Variants in HSDL1 observed in about 807,000 individuals in gnomAD.
HSDL1 encodes inactive hydroxysteroid dehydrogenase-like protein 1.
In HSDL1, 29 loss-of-function variants were observed where a neutral mutation model predicts 31.5. The observed-to-expected ratio is 0.92, with a 90% CI of 0.69 to 1.26. The LOEUF (loss-of-function observed/expected upper bound fraction) is 1.26, where lower values mean the gene tolerates loss of function less well. Among genes scored for constraint, HSDL1 ranks in the 50% most tolerant of loss-of-function variants. The probability of loss-of-function intolerance (pLI) is 0.00; values close to 1 mark genes in which losing one functional copy is unlikely to be tolerated. For missense variants in HSDL1, 503 were observed against 416.6 expected (o/e 1.21, Z -1.81); for synonymous variants, 222 against 155.2 (o/e 1.43, Z -3.20).
In HSDL1 at chr16:84,122,296, A is replaced by C. The variant is rs184063793; in HGVS notation, c.*2334T>G. 6.5e-6 allele frequency: 1 copy of C among 152,774 alleles called. No homozygotes were observed. Among genetic ancestry groups the C allele is most frequent in the African/African-American group, 2.4e-5 (1 of 41,576 alleles). 9.5% of individuals were successfully genotyped at this position (152,774 alleles called of 1,614,324 possible). ...AACAAAACTCTTCCAAAGGAAACAAACAACTACTTTTATTGTTAAACTTTC... is the reference window on the plus strand; with the variant it reads ...AACAAAACTCTTCCAAAGGAAACAACCAACTACTTTTATTGTTAAACTTTC... On this transcript the variant is annotated 3_prime_UTR_variant, in exon 6 of 6. Transcript: ENST00000219439.
intron 2 of HSDL1, among the ~76,000 whole-genome samples, chr16:84,134,484 ATGG>A (rs1597376846): frequency 6.6e-6 from 1 of 152,026 alleles, no homozygotes; most frequent in Non-Finnish European, 1.5e-5. Flanking sequence ...TTAGCCGGGT[ATGG>A]TGGTGACTGC....
chr16:84,128,127 A>G (rs1471292178), intron 5 of HSDL1, among the ~76,000 whole-genome samples: 2 of 151,706 alleles, frequency 1.3e-5, no homozygotes, highest in Non-Finnish European at 2.9e-5. Flanking sequence ...CATCTCTACT[A>G]AAAACACAAA....
chr16:84,134,425 C>A (rs368768511), intron 2 of HSDL1, among the ~76,000 whole-genome samples: 5 of 152,070 alleles, frequency 3.3e-5, no homozygotes, highest in Non-Finnish European at 7.4e-5. Context: ...GAGTTCAAGA[C>A]CAGCCTGGCC....
chr16:84,132,306 G>A (rs376255325), intron 2 of HSDL1, among the ~76,000 whole-genome samples: 21 of 152,154 alleles, frequency 1.4e-4, no homozygotes, highest in Non-Finnish European at 7.3e-5. Flanking sequence ...ACTAAGACAT[G>A]GCCTTGGCCT....
chr16:84,132,197 T>C (rs910764401), intron 2 of HSDL1, among the ~76,000 whole-genome samples: 1 of 152,188 alleles, frequency 6.6e-6, no homozygotes, highest in Non-Finnish European at 1.5e-5. Context: ...TTCTAATTCA[T>C]ACAGCAGAGG....
chr16:84,127,670 TAA>T (rs150968702), intron 5 of HSDL1, among the ~76,000 whole-genome samples: 8 of 138,138 alleles, frequency 5.8e-5, no homozygotes, highest in Non-Finnish European at 4.7e-5. Flanking sequence ...CTCCGAATAT[TAA>T]AAAAAAAAAA....
chr16:84,125,103 C>G (rs1317853592), intron 5 of HSDL1: 2 of 188,044 alleles, frequency 1.1e-5, no homozygotes, highest in African/African-American at 4.9e-5. Flanking sequence ...CAACAAATAC[C>G]CACCAATCAC....
intron 1 of HSDL1, among the ~76,000 whole-genome samples, 151 bp from the exon 2 acceptor site, chr16:84,135,756 T>C (rs1426473751): frequency 6.6e-6 from 1 of 152,228 alleles, no homozygotes; most frequent in Non-Finnish European, 1.5e-5. Flanking sequence ...CAGCAAACCA[T>C]GTACTAGGCA....
chr16:84,130,459 A>C, intron 3 of HSDL1, 28 bp from the exon 4 acceptor site: 3 of 1,574,952 alleles, frequency 1.9e-6, no homozygotes, highest in Non-Finnish European at 2.6e-6. Flanking sequence ...AAAAGTGAGC[A>C]TGTGTATTTC....
In HSDL1 at chr16:84,131,136, C is replaced by G; in HGVS notation, c.186G>C (p.Leu62Phe). 6.2e-7 allele frequency: 1 copy of G among 1,614,032 alleles called. No homozygotes were observed. Among genetic ancestry groups the G allele is most frequent in the Non-Finnish European group, 8.5e-7 (1 of 1,179,916 alleles). ...FIPRLGSRAD[L>F]IKQYGRWAVV... ...CGGCCCATCTTCCATACTGCTTGAT[C>G]AAGTCTGCTCTGCTCCCCAGGCGGG... The change falls in exon 3 of 6, where the codon TTG (leucine) becomes TTC (phenylalanine). Residue 62 changes from leucine (L) to phenylalanine (F), a missense_variant. Leu to Phe is a conservative substitution (Grantham distance 22). Transcript: ENST00000219439.
Position 84,129,679 on chromosome 16 carries a change from T to G in HSDL1, c.763A>C (p.Met255Leu), listed in dbSNP as rs765061584. Residue 255 changes from methionine to leucine, a missense_variant, in exon 5 of 6, where the codon ATG (methionine) becomes CTG (leucine). Coordinates refer to ENST00000219439, the MANE Select transcript of HSDL1 (RefSeq NM_031463.5). ...SLIPFYVATS[M>L]TAPSNFLHRC... ...TGCAGAAAGTTGCTGGGTGCTGTCA[T>G]GCTGGTGGCTACATAGAAAGGGATT... 2.5e-6 allele frequency: 4 copies of G among 1,614,212 alleles called. No individual in the cohort carries two copies. The Middle Eastern group carries it at 6.6e-4, about 266-fold the overall frequency.
rs371677796 is a variant in HSDL1, at chr16:84,129,967, C to G, written c.666+19G>C. ...TTCTGTGGCATTAGGATTTCATCTT[C>G]CAGTAAGTAACATCTGACCTTAGAA... On this transcript the variant is annotated intron_variant, in intron 4 of 5. Transcript: ENST00000219439. The G allele has an allele frequency of 4.2e-5, 68 of 1,601,518 alleles. No homozygotes were observed. The African/African-American group carries it at 8.7e-4, about 21-fold the overall frequency.
At chr16:84,130,864 T>C (rs1331565990) in intron 3 of HSDL1, 22 of 488,136 alleles carry the variant, frequency 4.5e-5, no homozygotes, top group Non-Finnish European at 6.8e-5. Flanking sequence ...AGGAAGTGGG[T>C]CTGGAGGAGG....
intron 1 of HSDL1, among the ~76,000 whole-genome samples, chr16:84,136,035 C>T (rs1236411263): frequency 1.3e-5 from 2 of 152,232 alleles, no homozygotes; most frequent in Admixed American, 6.5e-5. Flanking sequence ...TTCACCTGGG[C>T]CTCCCACTGC....
intron 2 of HSDL1, 126 bp from the exon 3 acceptor site, chr16:84,131,453 C>A: frequency 6.0e-6 from 4 of 669,598 alleles, no homozygotes; most frequent in Non-Finnish European, 1.1e-5. Context: ...ATAACACTAA[C>A]TTTTCAAATG....
chr16:84,141,099 A>AAAAAAAAAAAAAAAAAAAC (rs1396573691), intron 1 of HSDL1, among the ~76,000 whole-genome samples: 5 of 151,326 alleles, frequency 3.3e-5, no homozygotes, highest in African/African-American at 1.2e-4. Context: ...TCAAACAAAA[A>AAAAAAAAAAAAAAAAAAAC]AAAAAACAGT....
At chr16:84,138,367 A>G (rs192800388) in intron 1 of HSDL1, among the ~76,000 whole-genome samples, 12 of 152,342 alleles carry the variant, frequency 7.9e-5, no homozygotes, top group African/African-American at 2.6e-4. Context: ...TTTCAAATAT[A>G]AAATGCATAC....
chr16:84,127,538 C>G (rs1238531490), intron 5 of HSDL1, among the ~76,000 whole-genome samples: 1 of 151,274 alleles, frequency 6.6e-6, no homozygotes, highest in Non-Finnish European at 1.5e-5. Context: ...TCTTATTAAT[C>G]TCTCACTTTT....
intron 1 of HSDL1, among the ~76,000 whole-genome samples, chr16:84,138,290 G>T (rs1205147810): frequency 6.6e-6 from 1 of 152,130 alleles, no homozygotes; most frequent in Non-Finnish European, 1.5e-5. Flanking sequence ...TTCTTAAACA[G>T]AGAGTAGAAT....
Sources: allele counts gnomAD v4.1 joint callset (sites outside exome capture counted in the v4.1 genomes callset), GRCh38; gene constraint gnomAD v4.1.1; transcripts MANE v1.5; gene names NCBI Gene and HGNC (gene_info 2026-07-23, HGNC 2026-07-21).